Variants in SESN1 observed in about 807,000 individuals in gnomAD.
SESN1 encodes the protein sestrin 1.
In SESN1, 30 loss-of-function variants were observed where a neutral mutation model predicts 59.3. The ratio of observed to expected loss-of-function variants is 0.51; its 90% CI spans 0.38 to 0.69. SESN1 has a LOEUF of 0.69. Among genes scored for constraint, SESN1 ranks in the 30% least tolerant of loss-of-function variants. The pLI is 0.00. For missense variants in SESN1, 566 were observed against 673.0 expected (o/e 0.84, Z 1.76); for synonymous variants, 197 against 219.9 (o/e 0.90, Z 0.92).
chr6:109,027,863 CAT>C (rs879727905), intron 1 of SESN1, among the ~76,000 whole-genome samples: 1 of 151,826 alleles, frequency 6.6e-6, no homozygotes, highest in African/African-American at 2.4e-5. Flanking sequence ...CATTTAAATA[CAT>C]ATATATATAT....
chr6:109,020,119 C>A lies in SESN1; in HGVS notation c.280-17776G>T, dbSNP rs141298342. Reference sequence around the variant, plus strand: ...AACTTAGCAACAGCTTTTAGCCAATCACAAAGCAGACAAACAGGTAAGGAC... The same window carrying A: ...AACTTAGCAACAGCTTTTAGCCAATAACAAAGCAGACAAACAGGTAAGGAC... On this transcript the variant is annotated intron_variant, in intron 1 of 9. Coordinates refer to ENST00000436639, the MANE Select transcript of SESN1 (RefSeq NM_014454.3). 7.1e-4 allele frequency among the ~76,000 whole-genome samples: 108 copies of A among 152,304 alleles called. 1 individual carries two copies. Among genetic ancestry groups the A allele is most frequent in the Admixed American group, 4.1e-3 (63 of 15,302 alleles).
In SESN1 at chr6:108,990,796, G is replaced by A. The variant is rs1475851538; in HGVS notation, c.1273C>T (p.Arg425Cys). Residue 425 changes from arginine (R) to cysteine (C), a missense_variant, in exon 8 of 10, where the codon CGC becomes TGC. By Grantham distance (180) the Arg-to-Cys change is radical. Transcript: ENST00000436639. ...AACTGTCCCACATCTGGATAAAGGC[G>A]ATTTACCAAAGAATAACCATGATCT... ...WEDHGYSLVN[R>C]LYPDVGQLID... The A allele has an allele frequency of 1.2e-6, 2 of 1,613,852 alleles. No homozygotes were observed. The highest frequency in any genetic ancestry group is 2.2e-5 in the East Asian group (1 of 44,880).
chr6:109,066,649 G>A (rs904368157), intron 1 of SESN1, among the ~76,000 whole-genome samples: 1 of 152,106 alleles, frequency 6.6e-6, no homozygotes, highest in African/African-American at 2.4e-5. Flanking sequence ...ATACGAAGTA[G>A]AAAAAAGAGG....
chr6:108,994,876 G>GTGTT (rs1257328637), intron 5 of SESN1, among the ~76,000 whole-genome samples: 1 of 151,662 alleles, frequency 6.6e-6, no homozygotes, highest in African/African-American at 2.4e-5. Flanking sequence ...CTAATTTTTT[G>GTGTT]TGTTTTTTAG....
intron 1 of SESN1, among the ~76,000 whole-genome samples, chr6:109,030,087 G>A (rs1435857270): frequency 1.3e-5 from 2 of 152,024 alleles, no homozygotes; most frequent in East Asian, 1.9e-4. Context: ...ATAGCTTTTC[G>A]AGACACCTGG....
At chr6:108,987,655 TAAGG>T (rs1779234758) in intron 9 of SESN1, 25 bp from the exon 10 acceptor site, 1 of 1,261,612 alleles carries the variant, frequency 7.9e-7, no homozygotes. Flanking sequence ...CAACATCATA[TAAGG>T]AAGGGTTACA....
chr6:109,037,516 C>G (rs1450473263), intron 1 of SESN1, among the ~76,000 whole-genome samples: 1 of 151,938 alleles, frequency 6.6e-6, no homozygotes, highest in South Asian at 2.1e-4. Flanking sequence ...AGCATCTAGT[C>G]CAATGTGATG....
chr6:109,088,695 T>C (rs1781260474), intron 1 of SESN1, among the ~76,000 whole-genome samples: 1 of 152,232 alleles, frequency 6.6e-6, no homozygotes, highest in African/African-American at 2.4e-5. Flanking sequence ...TTGATACATA[T>C]GTGCTCTCAT....
At chr6:109,006,252 CTAT>C (rs1779728450) in intron 1 of SESN1, among the ~76,000 whole-genome samples, 2 of 152,192 alleles carry the variant, frequency 1.3e-5, no homozygotes, top group African/African-American at 4.8e-5. Flanking sequence ...GAAGCAGGTA[CTAT>C]TATTATCTCC....
At chr6:109,012,988 C>T (rs1225349254) in intron 1 of SESN1, among the ~76,000 whole-genome samples, 1 of 151,454 alleles carries the variant, frequency 6.6e-6, no homozygotes, top group Non-Finnish European at 1.5e-5. Flanking sequence ...TGGTGGTGTG[C>T]GCCTGTAGTC....
chr6:109,087,109 C>T (rs964071890), intron 1 of SESN1, among the ~76,000 whole-genome samples: 5 of 151,672 alleles, frequency 3.3e-5, no homozygotes, highest in Admixed American at 6.6e-5. Context: ...ACAGCCTGGG[C>T]GACAGAGCAA....
intron 1 of SESN1, among the ~76,000 whole-genome samples, chr6:109,014,119 G>A (rs1345377058): frequency 1.3e-5 from 2 of 151,562 alleles, no homozygotes; most frequent in African/African-American, 4.9e-5. Flanking sequence ...TTTTAGAAAT[G>A]TAGTGTTTTA....
At chr6:109,033,511 T>C (rs537361283) in intron 1 of SESN1, among the ~76,000 whole-genome samples, 1 of 152,308 alleles carries the variant, frequency 6.6e-6, no homozygotes, top group East Asian at 1.9e-4. Context: ...CCTCCAGCTG[T>C]TTTTATTCCA....
intron 1 of SESN1, among the ~76,000 whole-genome samples, chr6:109,005,759 T>C (rs1583268207): frequency 6.6e-6 from 1 of 152,194 alleles, no homozygotes; most frequent in African/African-American, 2.4e-5. Context: ...ATAGGGATGA[T>C]GACAAAATAA....
intron 1 of SESN1, among the ~76,000 whole-genome samples, chr6:109,079,944 T>C (rs761044315): frequency 2.0e-5 from 3 of 152,210 alleles, no homozygotes; most frequent in African/African-American, 4.8e-5. Context: ...CTAAAGACAA[T>C]TGAGGCTCCT....
At chr6:108,995,783 CAA>C (rs910750086) in intron 5 of SESN1, among the ~76,000 whole-genome samples, 3 of 151,510 alleles carry the variant, frequency 2.0e-5, no homozygotes, top group Non-Finnish European at 4.4e-5. Context: ...GACTTTGTCT[CAA>C]AAAGAGAAAA....
At chr6:109,078,234 T>A (rs1002852744) in intron 1 of SESN1, among the ~76,000 whole-genome samples, 1 of 152,046 alleles carries the variant, frequency 6.6e-6, no homozygotes, top group African/African-American at 2.4e-5. Flanking sequence ...ACTTAAAAAT[T>A]GGCTGGGTGC....
At chr6:109,012,512 G>T (rs1394205992) in intron 1 of SESN1, among the ~76,000 whole-genome samples, 1 of 152,166 alleles carries the variant, frequency 6.6e-6, no homozygotes, top group African/African-American at 2.4e-5. Flanking sequence ...GCAGAGTGGT[G>T]TCAAATGACT....
At chr6:109,018,451 A>G (rs1347097240) in intron 1 of SESN1, among the ~76,000 whole-genome samples, 1 of 152,220 alleles carries the variant, frequency 6.6e-6, no homozygotes, top group African/African-American at 2.4e-5. Flanking sequence ...AAACTATAAT[A>G]GTGAGTGAAC....
Sources: gnomAD v4.1 joint callset for allele counts (sites outside exome capture counted in the v4.1 genomes callset) on GRCh38, gnomAD v4.1.1 for gene constraint, MANE v1.5 for transcripts, NCBI Gene and HGNC (gene_info 2026-07-23, HGNC 2026-07-21) for gene names.